The following ASPH variants were observed in gnomAD, a reference collection of about 807,000 sequenced individuals.
The protein encoded by ASPH is aspartyl/asparaginyl beta-hydroxylase.
Under a neutral mutation model 118.4 loss-of-function variants are expected in ASPH, and 100 were observed. That is an observed-to-expected ratio of 0.84 (90% CI 0.72 to 1.00). The LOEUF (loss-of-function observed/expected upper bound fraction) is 1.00. Ranked by LOEUF, ASPH falls within the 50% of genes least tolerant of loss-of-function variation. ASPH has a pLI of 0.00. For synonymous variants in ASPH, 315 were observed against 325.6 expected, an observed-to-expected ratio of 0.97 and a Z score of 0.35; for missense variants, 920 against 919.5, an observed-to-expected ratio of 1.00 and a Z score of -0.01.
intron 3 of ASPH, chr8:61,656,078 G>A (rs1305010215): frequency 6.6e-6 from 1 of 152,088 alleles, no homozygotes; most frequent in Non-Finnish European, 1.5e-5. Flanking sequence ...AAAAGCAAGC[G>A]AAAATGAATC....
chr8:61,552,018 T>TA (rs1161663034), intron 20 of ASPH, among the ~76,000 whole-genome samples: 1 of 152,218 alleles, frequency 6.6e-6, no homozygotes, highest in Non-Finnish European at 1.5e-5. Context: ...AGCAGACAAT[T>TA]ACGTTATCAC....
rs569708152 is a variant in ASPH, at chr8:61,669,509, T to C, written c.322+11459A>G. 2.0e-5 allele frequency among the ~76,000 whole-genome samples: 3 copies of C among 152,312 alleles called. No individual in the cohort carries two copies. The East Asian group carries it at 5.8e-4, about 29-fold the overall frequency. On this transcript the variant is annotated intron_variant, in intron 3 of 24. Coordinates refer to ENST00000379454, the MANE Select transcript of ASPH (RefSeq NM_004318.4). ...AAAATTATTTTTCCCAGACAAAACT[T>C]GATTCTTTCCTAACCTCTGCCAAAA...
chr8:61,562,322 T>C (rs1435443022), intron 18 of ASPH, among the ~76,000 whole-genome samples: 1 of 145,238 alleles, frequency 6.9e-6, no homozygotes, highest in Non-Finnish European at 1.5e-5. Context: ...GAAAGGCCCC[T>C]GTTCTATATA....
intron 24 of ASPH, among the ~76,000 whole-genome samples, chr8:61,507,857 C>T (rs375346021): frequency 1.3e-5 from 2 of 152,166 alleles, no homozygotes; most frequent in African/African-American, 2.4e-5. Context: ...ATCTTCAGAG[C>T]GGCCTGTGAC....
chr8:61,658,913 C>G (rs1187675050), intron 3 of ASPH: 5 of 152,264 alleles, frequency 3.3e-5, no homozygotes, highest in African/African-American at 1.2e-4. Context: ...GTGTCAGTTA[C>G]TAGGATAGGT....
At position 61,503,389 on chromosome 8, in the gene ASPH, T is replaced by C. The variant is rs747441276; in HGVS notation, c.2247A>G (p.Pro749=). Residue 749 remains proline, a synonymous_variant, in exon 25 of 25, where the codon CCA becomes CCG. Coordinates refer to ENST00000379454, the MANE Select transcript of ASPH (RefSeq NM_004318.4). ...IVDVWHPELT[P]QQRRSLPAI ...TTGCTGGAAGGCTGCGTCTCTGCTG[T>C]GGTGTCAGTTCCGGATGCCACACAT... The C allele has an allele frequency of 1.9e-6, 3 of 1,611,336 alleles. No individual in the cohort carries two copies. In the Admixed American group the frequency reaches 5.0e-5, roughly 27 times the overall value.
At chr8:61,674,459 C>T (rs1166361554) in intron 3 of ASPH, among the ~76,000 whole-genome samples, 1 of 152,154 alleles carries the variant, frequency 6.6e-6, no homozygotes, top group Non-Finnish European at 1.5e-5. Context: ...ACATATTTGC[C>T]CATTAGTGCA....
intron 21 of ASPH, 97 bp from the exon 22 acceptor site, chr8:61,526,209 AC>A: frequency 6.7e-7 from 1 of 1,485,830 alleles, no homozygotes; most frequent in Non-Finnish European, 9.1e-7. Context: ...TCAGAAAGGA[AC>A]TAATTCTTTG....
In ASPH at chr8:61,630,187, G is replaced by C. The variant is rs533184777; in HGVS notation, c.934+3496C>G. On this transcript the variant is annotated intron_variant, in intron 13 of 24. Transcript: ENST00000379454. ...ATTAAGACTGTATAACTTAGTATTA[G>C]GATAATCAGAGAAGGCAAATCAATC... 6.3e-4 allele frequency among the ~76,000 whole-genome samples: 96 copies of C among 152,210 alleles called. 3 individuals carry two copies. The highest frequency in any genetic ancestry group is 2.0e-3 in the African/African-American group (83 of 41,540).
At chr8:61,650,996 A>G (rs1810666290) in intron 5 of ASPH, 54 bp downstream of exon 5, 2 of 1,497,686 alleles carry the variant, frequency 1.3e-6, no homozygotes, top group African/African-American at 2.8e-5. Context: ...GTCATTTTAC[A>G]TAACTAAGCG....
intron 3 of ASPH, among the ~76,000 whole-genome samples, chr8:61,654,221 T>G (rs1812503853): frequency 6.6e-6 from 1 of 152,218 alleles, no homozygotes; most frequent in Admixed American, 6.5e-5. Context: ...TTAAAAGTTC[T>G]TCTCCCTTTT....
At chr8:61,659,969 C>T (rs1815909009) in intron 3 of ASPH, 1 of 151,680 alleles carries the variant, frequency 6.6e-6, no homozygotes, top group Non-Finnish European at 1.5e-5. Flanking sequence ...TCTCTTCTCC[C>T]TAGCTTTTTT....
chr8:61,653,762 G>A, intron 3 of ASPH, 102 bp from the exon 4 acceptor site: 1 of 1,160,304 alleles, frequency 8.6e-7, no homozygotes, highest in East Asian at 2.6e-5. Context: ...TAATAGTGCT[G>A]CTAATTAATA....
intron 13 of ASPH, among the ~76,000 whole-genome samples, chr8:61,628,103 CAT>C (rs1853759971): frequency 6.6e-6 from 1 of 151,886 alleles, no homozygotes; most frequent in Non-Finnish European, 1.5e-5. Flanking sequence ...GAGATTAGAT[CAT>C]ATGACTCCTC....
intron 16 of ASPH, among the ~76,000 whole-genome samples, chr8:61,575,712 TA>T (rs1312122091): frequency 1.3e-5 from 2 of 152,190 alleles, no homozygotes; most frequent in East Asian, 3.8e-4. Context: ...TTTGACATCT[TA>T]AAAAAACCTC....
At chr8:61,649,557 T>G (rs992009938) in intron 5 of ASPH, among the ~76,000 whole-genome samples, 2 of 152,294 alleles carry the variant, frequency 1.3e-5, no homozygotes, top group East Asian at 3.9e-4. Flanking sequence ...AATGTGATTT[T>G]CTAAATGTGA....
intron 12 of ASPH, among the ~76,000 whole-genome samples, chr8:61,636,680 C>T (rs1198898942): frequency 6.6e-6 from 1 of 152,146 alleles, no homozygotes; most frequent in Non-Finnish European, 1.5e-5. Context: ...ATTTCTAAAC[C>T]AAGAAAGGTA....
chr8:61,618,461 G>A (rs1849780353), intron 14 of ASPH, among the ~76,000 whole-genome samples: 1 of 152,078 alleles, frequency 6.6e-6, no homozygotes, highest in Non-Finnish European at 1.5e-5. Context: ...AACTTTGTTT[G>A]TATATCTTTC....
intron 24 of ASPH, among the ~76,000 whole-genome samples, chr8:61,504,979 G>A (rs1202789943): frequency 1.3e-5 from 2 of 151,860 alleles, no homozygotes; most frequent in South Asian, 2.1e-4. Context: ...CATACACTTC[G>A]TGATATGGTT....
Sources: allele counts gnomAD v4.1 joint callset (sites outside exome capture counted in the v4.1 genomes callset), GRCh38; gene constraint gnomAD v4.1.1; transcripts MANE v1.5; gene names NCBI Gene and HGNC (gene_info 2026-07-23, HGNC 2026-07-21).